Variants in CGGBP1 observed in about 807,000 individuals in gnomAD.
The protein encoded by CGGBP1 is CGG triplet repeat binding protein 1, also known as CGG triplet repeat-binding protein 1.
In CGGBP1, 4 loss-of-function variants were observed where a neutral mutation model predicts 11.4. The observed-to-expected ratio is 0.35, with a 90% CI of 0.17 to 0.80. The LOEUF (loss-of-function observed/expected upper bound fraction) is 0.80, where lower values mean the gene tolerates loss of function less well. Among genes scored for constraint, CGGBP1 ranks in the 30% least tolerant of loss-of-function variants. CGGBP1 has a pLI of 0.52. For synonymous variants in CGGBP1, 76 were observed against 74.1 expected (o/e 1.03, Z -0.13); for missense variants, 135 against 202.1 (o/e 0.67, Z 2.01).
At chr3:88,086,940 G>A (rs569723446) in intron 2 of CGGBP1, among the ~76,000 whole-genome samples, 3 of 152,144 alleles carry the variant, frequency 2.0e-5, no homozygotes, top group South Asian at 4.1e-4. Context: ...CCGCCACCAC[G>A]CCTGGCTAAT....
chr3:88,074,363 A>G, intron 2 of CGGBP1, among the ~76,000 whole-genome samples: 2 of 134,588 alleles, frequency 1.5e-5, no homozygotes, highest in Non-Finnish European at 3.2e-5. Context: ...TTTTTTTGAG[A>G]CTGAGTCTTG....
chr3:88,064,458 T>C (rs959676397), intron 2 of CGGBP1, among the ~76,000 whole-genome samples: 6 of 152,184 alleles, frequency 3.9e-5, no homozygotes, highest in Admixed American at 6.5e-5. Flanking sequence ...TTAGTTGCCA[T>C]TGTTTTGTTA....
intron 2 of CGGBP1, among the ~76,000 whole-genome samples, chr3:88,088,760 GT>G (rs1559701684): frequency 0.031 from 4,697 of 149,454 alleles, 82 homozygotes; most frequent in Non-Finnish European, 0.039. Flanking sequence ...ATGTATGTAT[GT>G]ATGGATGGAT....
At position 88,079,186 on chromosome 3, in the gene CGGBP1, A is replaced by T. The variant is rs145794586; in HGVS notation, c.-228-20963T>A. Among the ~76,000 whole-genome samples, 799 of 152,234 alleles carry T rather than the reference A, an allele frequency of 5.2e-3. 17 individuals are homozygous for T. The highest frequency in any genetic ancestry group is 2.9e-3 in the Non-Finnish European group (198 of 67,948). On this transcript the variant is annotated intron_variant, in intron 2 of 3. Coordinates refer to the CGGBP1 transcript ENST00000462901. ...TATTATCATCGAGTCAAAAACAGGG[A>T]GATGATAGTCCAACTAATTCTGACT...
Position 88,109,783 on chromosome 3 carries a change from T to C in CGGBP1, c.-229+31187A>G, listed in dbSNP as rs552886035. Reference sequence around the variant, plus strand: ...GGACTAAAATTTTTTTATAAATGTATAAACTGAACATATTAAACATGGTAA... The same window carrying C: ...GGACTAAAATTTTTTTATAAATGTACAAACTGAACATATTAAACATGGTAA... On this transcript the variant is annotated intron_variant, in intron 2 of 3. Coordinates refer to the CGGBP1 transcript ENST00000462901. Among the ~76,000 whole-genome samples, 9 of 152,246 alleles carry C rather than the reference T, an allele frequency of 5.9e-5. No homozygotes were observed. In the East Asian group the frequency reaches 1.2e-3, roughly 20 times the overall value.
chr3:88,102,817 C>CTTT (rs10701359), intron 2 of CGGBP1, among the ~76,000 whole-genome samples: 62,825 of 106,152 alleles, frequency 0.59, 19,939 homozygotes, highest in South Asian at 0.79. Context: ...CCTCTACTGT[C>CTTT]TTTTTTTTTT....
chr3:88,124,765 A>G (rs1387517892), intron 2 of CGGBP1, among the ~76,000 whole-genome samples: 4 of 104,664 alleles, frequency 3.8e-5, no homozygotes, highest in African/African-American at 1.2e-4. Context: ...TTGATGTACA[A>G]TACTCAGTTT....
intron 2 of CGGBP1, chr3:88,086,449 T>C: frequency 7.3e-7 from 1 of 1,366,520 alleles, no homozygotes; most frequent in East Asian, 2.6e-5. Flanking sequence ...TCTTGATGTG[T>C]TTGAGAATTT....
In CGGBP1 at chr3:88,055,216, T is replaced by C. The variant is rs1706514673; in HGVS notation, c.*257A>G. On this transcript the variant is annotated 3_prime_UTR_variant, in exon 4 of 4. Transcript: ENST00000482016. The surrounding 1 kb of genome is among the most constrained non-coding windows in gnomAD (Gnocchi z 4.2). ...AACATTTCAGGAGAAAAACCATTAA[T>C]TTTAAAGATAACCATCAGGTTTCAG... 3.1e-6 allele frequency: 1 copy of C among 320,272 alleles called. No individual in the cohort carries two copies. The highest frequency in any genetic ancestry group is 5.7e-6 in the Non-Finnish European group (1 of 176,920). 19.8% of individuals were successfully genotyped at this position (320,272 alleles called of 1,614,324 possible).
chr3:88,096,716 AT>A (rs1367987759), intron 2 of CGGBP1, among the ~76,000 whole-genome samples: 1 of 151,968 alleles, frequency 6.6e-6, no homozygotes, highest in African/African-American at 2.4e-5. Flanking sequence ...ATCACTTTTA[AT>A]TTTTGAGTAG....
chr3:88,149,222 A>G (rs1707362593), intron 1 of CGGBP1, among the ~76,000 whole-genome samples: 1 of 152,180 alleles, frequency 6.6e-6, no homozygotes, highest in African/African-American at 2.4e-5. Flanking sequence ...CCGCCCCCAC[A>G]GCCCCAAGAG....
chr3:88,066,587 A>AAAAC (rs1553691223), intron 2 of CGGBP1, among the ~76,000 whole-genome samples: 5 of 151,394 alleles, frequency 3.3e-5, no homozygotes, highest in Admixed American at 2.0e-4. Flanking sequence ...AACAAAAAAA[A>AAAAC]CAAAAAAACC....
At chr3:88,069,706 T>C (rs1707401601) in intron 2 of CGGBP1, among the ~76,000 whole-genome samples, 1 of 152,186 alleles carries the variant, frequency 6.6e-6, no homozygotes, top group African/African-American at 2.4e-5. Flanking sequence ...GTTGACATTA[T>C]AGAGTGTTAA....
chr3:88,120,410 C>T (rs902390999), intron 2 of CGGBP1, among the ~76,000 whole-genome samples: 3 of 152,162 alleles, frequency 2.0e-5, no homozygotes, highest in Non-Finnish European at 4.4e-5. Flanking sequence ...CTTCTAAAGA[C>T]TGCCTTATTA....
intron 2 of CGGBP1, among the ~76,000 whole-genome samples, chr3:88,100,095 C>T (rs1704317942): frequency 6.6e-6 from 1 of 152,182 alleles, no homozygotes; most frequent in Admixed American, 6.5e-5. Flanking sequence ...GGCTAATATC[C>T]AGAATCTACA....
chr3:88,135,732 T>C (rs1022117567), intron 2 of CGGBP1, among the ~76,000 whole-genome samples: 14 of 152,076 alleles, frequency 9.2e-5, no homozygotes, highest in African/African-American at 3.1e-4. Context: ...CACTTGCAAG[T>C]GAGTACAATC....
Position 88,086,667 on chromosome 3 carries a change from TG to T in CGGBP1, c.-228-28445del, listed in dbSNP as rs200849112. On this transcript the variant is annotated intron_variant, in intron 2 of 3. Transcript: ENST00000462901. ...TACTTTCCTTTTTAATTCTCCAGAT[TG>T]CCTTGGGAAGCTCTAATGGTAAGTC... 1.6e-4 allele frequency among the ~76,000 whole-genome samples: 25 copies of T among 152,340 alleles called. No individual in the cohort carries two copies. In the East Asian group the frequency reaches 4.8e-3, roughly 29 times the overall value.
At chr3:88,074,590 C>T (rs1707697574) in intron 2 of CGGBP1, among the ~76,000 whole-genome samples, 1 of 152,122 alleles carries the variant, frequency 6.6e-6, no homozygotes, top group Non-Finnish European at 1.5e-5. Flanking sequence ...GATCCGCCTG[C>T]CTCGGCCTTC....
chr3:88,082,564 G>C (rs1708134948), intron 2 of CGGBP1, among the ~76,000 whole-genome samples: 1 of 152,198 alleles, frequency 6.6e-6, no homozygotes, highest in African/African-American at 2.4e-5. Flanking sequence ...TCTTCAAGGA[G>C]GAAAGAATAA....
Sources: gnomAD v4.1 joint callset for allele counts (sites outside exome capture counted in the v4.1 genomes callset) on GRCh38, gnomAD v4.1.1 for gene constraint, Gnocchi (gnomAD v3.1) non-coding constraint, MANE v1.5 for transcripts, NCBI Gene and HGNC (gene_info 2026-07-23, HGNC 2026-07-21) for gene names.